The following SLC4A7 variants were observed in gnomAD, a reference collection of about 807,000 sequenced individuals.
The protein encoded by SLC4A7 is solute carrier family 4 member 7, also known as sodium bicarbonate cotransporter 3.
SLC4A7 carries 51 observed loss-of-function variants against 137.6 expected under a neutral mutation model. The observed-to-expected ratio is 0.37, with a 90% CI of 0.30 to 0.47. The LOEUF (loss-of-function observed/expected upper bound fraction) is 0.47, where lower values mean the gene tolerates loss of function less well. Among genes scored for constraint, SLC4A7 ranks in the 20% least tolerant of loss-of-function variants. The pLI, the probability that SLC4A7 is intolerant of heterozygous loss-of-function variation, is 1.00. For synonymous variants in SLC4A7, 542 were observed against 518.6 expected (o/e 1.05, Z -0.61); for missense variants, 1,247 against 1,525.4 (o/e 0.82, Z 3.04).
Position 27,439,599 on chromosome 3 carries a change from A to C in SLC4A7, c.290-2073T>G, listed in dbSNP as rs368520953. ...TGATTTTATATCCTGGGACCTGCTA[A>C]ACTCACTTAGTTCTCTTAAGTATTG... On this transcript the variant is annotated intron_variant, in intron 3 of 25. Coordinates refer to ENST00000454389, the MANE Select transcript of SLC4A7 (RefSeq NM_001321103.2). 1.6e-4 allele frequency among the ~76,000 whole-genome samples: 24 copies of C among 152,304 alleles called. No individual in the cohort carries two copies. In the South Asian group the frequency reaches 4.8e-3, roughly 30 times the overall value.
intron 1 of SLC4A7, among the ~76,000 whole-genome samples, chr3:27,465,979 G>T (rs191469392): frequency 0.018 from 2,637 of 147,806 alleles, 45 homozygotes; most frequent in South Asian, 0.041. Flanking sequence ...AAGAAAGAAA[G>T]AAAGAAAACT....
rs999026146 is a variant in SLC4A7, at chr3:27,375,401, C to T, written c.*1363G>A. On this transcript the variant is annotated 3_prime_UTR_variant, in exon 26 of 26. Transcript: ENST00000454389. ...CATTCATCCAGTCCTACAGGCTTAACAACATTTATTTCATGTGGAACTAAA... is the reference window on the plus strand; with the variant it reads ...CATTCATCCAGTCCTACAGGCTTAATAACATTTATTTCATGTGGAACTAAA... 3.9e-5 allele frequency: 6 copies of T among 152,238 alleles called. No individual in the cohort carries two copies. Among genetic ancestry groups the T allele is most frequent in the South Asian group, 4.1e-4 (2 of 4,832 alleles). The allele number at this position is 152,238 out of a possible 1,614,324, so 9.4% of individuals were successfully genotyped here.
rs775173775 is a variant in SLC4A7 at position 27,394,657 on chromosome 3, A to G, written c.2978T>C (p.Val993Ala). Residue 993 changes from valine (V) to alanine (A), a missense_variant, in exon 20 of 26, where the codon GTC becomes GCC. By Grantham distance (64) the Val-to-Ala change is moderately conservative. Transcript: ENST00000454389. ...TTCAGATTCAACTTTTAAGCTGTTG[A>G]CATGACTTATTGACAACACTGTTGC... ...VAATVLSISH[V>A]NSLKVESECS... is the part of the protein sequence containing the mutation. 6.2e-7 allele frequency: 1 copy of G among 1,614,188 alleles called. No individual in the cohort carries two copies. Among genetic ancestry groups the G allele is most frequent in the South Asian group, 1.1e-5 (1 of 91,080 alleles).
intron 3 of SLC4A7, among the ~76,000 whole-genome samples, chr3:27,447,448 C>T (rs932084036): frequency 3.3e-5 from 5 of 151,924 alleles, no homozygotes; most frequent in Non-Finnish European, 7.4e-5. Flanking sequence ...CTTTTTTGTT[C>T]TTTGCCTTTT....
At chr3:27,418,364 A>T (rs1452311384) in intron 11 of SLC4A7, 122 bp downstream of exon 11, 1 of 710,120 alleles carries the variant, frequency 1.4e-6, no homozygotes, top group African/African-American at 1.9e-5. Flanking sequence ...GTATGGGGGT[A>T]AGAAGGTAAA....
intron 18 of SLC4A7, among the ~76,000 whole-genome samples, chr3:27,395,761 T>C (rs77388532): frequency 2.6e-5 from 4 of 152,338 alleles, no homozygotes; most frequent in East Asian, 1.9e-4. Flanking sequence ...AAGTTTGTTA[T>C]GTAGAAATTG....
At position 27,391,882 on chromosome 3, in the gene SLC4A7, G is replaced by A. The variant is rs572619210; in HGVS notation, c.3118-74C>T. 1.3e-5 allele frequency: 11 copies of A among 819,822 alleles called. No homozygotes were observed. The Admixed American group carries it at 2.5e-4, about 18-fold the overall frequency. The allele number at this position is 819,822 out of a possible 1,614,324, so 50.8% of individuals were successfully genotyped here. ...AAAACATAATCAGTGAGTAATTATAGGGCTAGAATTAAAAGATTTTTCAAT... is the reference window on the plus strand; with the variant it reads ...AAAACATAATCAGTGAGTAATTATAAGGCTAGAATTAAAAGATTTTTCAAT... On this transcript the variant is annotated intron_variant, in intron 20 of 25. Transcript: ENST00000454389.
chr3:27,429,197 C>T (rs1369434549), intron 7 of SLC4A7, among the ~76,000 whole-genome samples: 1 of 150,020 alleles, frequency 6.7e-6, no homozygotes, highest in Admixed American at 6.6e-5. Context: ...ACCCGGGAGG[C>T]GGAGGTTGCA....
At position 27,452,480 on chromosome 3, in the gene SLC4A7, C is replaced by T; in HGVS notation, c.79G>A (p.Val27Ile). ...GAGCTAGTTTTGCCAAGATCCACAA[C>T]AGCTTCTTCATCAGGACCCTAAAAA... ...VTSRGPDEEA[V>I]VDLGKTSSTV... is the part of the protein sequence containing the mutation. Residue 27 changes from valine to isoleucine, a missense_variant, in exon 2 of 26, where the codon GTT (valine) becomes ATT (isoleucine). By Grantham distance (29) the Val-to-Ile change is conservative. This residue lies in a region of SLC4A7 where 176 missense variants were observed against 186.4 expected (regional missense o/e 0.94). Transcript: ENST00000454389. 6.2e-7 allele frequency: 1 copy of T among 1,605,976 alleles called. No individual in the cohort carries two copies. The highest frequency in any genetic ancestry group is 1.1e-5 in the South Asian group (1 of 89,476).
intron 20 of SLC4A7, among the ~76,000 whole-genome samples, chr3:27,394,121 C>T (rs965764880): frequency 3.3e-5 from 5 of 152,080 alleles, no homozygotes; most frequent in African/African-American, 7.3e-5. Context: ...CAGGTTCAAG[C>T]GATCCTCCCA....
chr3:27,468,795 G>T (rs1325551456), intron 1 of SLC4A7, among the ~76,000 whole-genome samples: 1 of 151,988 alleles, frequency 6.6e-6, no homozygotes, highest in Non-Finnish European at 1.5e-5. Context: ...AACATTTCTG[G>T]TACAATATAA....
At chr3:27,420,905 C>G in intron 9 of SLC4A7, 118 bp from the exon 10 acceptor site, 1 of 647,606 alleles carries the variant, frequency 1.5e-6, no homozygotes. Flanking sequence ...GACATCTTTT[C>G]TACTCCCCCA....
chr3:27,416,109 C>T (rs1240241939), intron 11 of SLC4A7, among the ~76,000 whole-genome samples: 1 of 152,166 alleles, frequency 6.6e-6, no homozygotes, highest in African/African-American at 2.4e-5. Context: ...CAAAAGTTTA[C>T]AGTATTGCAG....
intron 25 of SLC4A7, among the ~76,000 whole-genome samples, 159 bp from the exon 26 acceptor site, chr3:27,377,004 G>C (rs2049954728): frequency 6.6e-6 from 1 of 151,840 alleles, no homozygotes; most frequent in African/African-American, 2.4e-5. Flanking sequence ...AAACATAACT[G>C]GAAAAGCAAA....
intron 2 of SLC4A7, 124 bp from the exon 3 acceptor site, chr3:27,448,921 C>T: frequency 3.6e-6 from 2 of 556,192 alleles, no homozygotes; most frequent in Non-Finnish European, 5.8e-6. Flanking sequence ...ATGGTAGTCT[C>T]CAGTTACTTC....
chr3:27,422,952 A>G, intron 8 of SLC4A7: 10 of 345,552 alleles, frequency 2.9e-5, no homozygotes, highest in South Asian at 2.3e-4. Context: ...GAGGAACTCT[A>G]TAATGTAAAT....
intron 11 of SLC4A7, among the ~76,000 whole-genome samples, chr3:27,416,209 G>A (rs73824925): frequency 6.6e-6 from 1 of 152,198 alleles, no homozygotes; most frequent in East Asian, 1.9e-4. Context: ...ATGTGGAGAC[G>A]ATGAGCAACA....
intron 1 of SLC4A7, among the ~76,000 whole-genome samples, chr3:27,472,503 T>C (rs57118016): frequency 0.15 from 23,159 of 151,408 alleles, 1,918 homozygotes; most frequent in African/African-American, 0.24. Context: ...TAAAAATATA[T>C]ATAAAAACAA....
At chr3:27,476,566 CT>C (rs1382222621) in intron 1 of SLC4A7, among the ~76,000 whole-genome samples, 1 of 152,182 alleles carries the variant, frequency 6.6e-6, no homozygotes, top group Non-Finnish European at 1.5e-5. Flanking sequence ...CTGTAATCCC[CT>C]CATGTTGAAG....
Sources: allele counts gnomAD v4.1 joint callset (sites outside exome capture counted in the v4.1 genomes callset), GRCh38; gene constraint gnomAD v4.1.1; regional missense constraint gnomAD v4.1.1; transcripts MANE v1.5; gene names NCBI Gene and HGNC (gene_info 2026-07-23, HGNC 2026-07-21).